Variants in CUX1 observed in about 807,000 individuals in gnomAD.
The protein encoded by CUX1 is protein CASP.
A neutral mutation model predicts 158.8 loss-of-function variants in CUX1; 31 were observed. That is an observed-to-expected ratio of 0.20 (90% CI 0.15 to 0.26). The LOEUF is 0.26. Ranked by LOEUF, CUX1 falls within the 10% of genes least tolerant of loss-of-function variation. The probability of loss-of-function intolerance (pLI) is 1.00; values close to 1 mark genes in which losing one functional copy is unlikely to be tolerated. For missense variants in CUX1, 1,589 were observed against 2,014.6 expected, an observed-to-expected ratio of 0.79 and a Z score of 4.04; for synonymous variants, 879 against 862.1, an observed-to-expected ratio of 1.02 and a Z score of -0.34.
At chr7:102,224,365 C>T (rs554703350) in intron 20 of CUX1, among the ~76,000 whole-genome samples, 1 of 152,278 alleles carries the variant, frequency 6.6e-6, no homozygotes, top group Non-Finnish European at 1.5e-5. Context: ...CGCCACCATG[C>T]CTGGCTGGTT....
At chr7:101,836,191 G>A (rs544309600) in intron 1 of CUX1, among the ~76,000 whole-genome samples, 3 of 152,254 alleles carry the variant, frequency 2.0e-5, no homozygotes, top group East Asian at 3.9e-4. Context: ...TGTAAGTCCC[G>A]TTTGTTCTCC....
chr7:102,097,325 C>G (rs782466159), intron 4 of CUX1, 39 bp from the exon 5 acceptor site: 2 of 1,580,730 alleles, frequency 1.3e-6, no homozygotes, highest in Non-Finnish European at 1.7e-6. Context: ...GGCCTGTTTG[C>G]TGGCCGAGTG....
At chr7:102,227,956 T>TC (rs1486326521) in intron 21 of CUX1, among the ~76,000 whole-genome samples, 22 of 144,828 alleles carry the variant, frequency 1.5e-4, no homozygotes, top group Admixed American at 1.0e-3. Flanking sequence ...TTTTTCTTTT[T>TC]TTTTTTTTTT....
At position 102,248,953 on chromosome 7, in the gene CUX1, C is replaced by T. The variant is rs1554538442; in HGVS notation, c.4429C>T (p.Arg1477Cys). ...GARDSRDNPLRKKKAANLNSI... is the reference protein window; with the variant it reads ...GARDSRDNPLCKKKAANLNSI... The stretch of plus-strand genomic sequence containing the variant: ...CCGGGACTCGCGCGACAACCCCCTG[C>T]GCAAGAAGAAGGCCGCGAACTTGAA... Residue 1477 changes from arginine (R) to cysteine (C), a missense_variant, in exon 24 of 24, where the codon CGC becomes TGC. By Grantham distance (180) the Arg-to-Cys change is radical (BLOSUM62 -3). Transcript: ENST00000292535. This position sits in a 1 kb window ranked among gnomAD's most constrained non-coding sequence, Gnocchi z 5.8. 3.4e-6 allele frequency: 5 copies of T among 1,487,298 alleles called. No homozygotes were observed. The highest frequency in any genetic ancestry group is 1.2e-5 in the South Asian group (1 of 80,744). 92.1% of individuals were successfully genotyped at this position (1,487,298 alleles called of 1,614,324 possible).
intron 11 of CUX1, 84 bp from the exon 12 acceptor site, chr7:102,189,729 G>A: frequency 1.4e-6 from 2 of 1,433,562 alleles, no homozygotes; most frequent in South Asian, 1.2e-5. Context: ...GGCACAGCTG[G>A]CTGTTCCGCA....
chr7:102,239,306 C>G lies in CUX1; in HGVS notation c.3623-14C>G, dbSNP rs200794898. 6.3e-7 allele frequency: 1 copy of G among 1,592,196 alleles called. No individual in the cohort carries two copies. The highest frequency in any genetic ancestry group is 2.3e-5 in the East Asian group (1 of 44,304). ...GCTGGGCCTGACCTTAGTCTGCCATCTCTTCCTCCGCAGCCTACATGAAGC... is the reference window on the plus strand; with the variant it reads ...GCTGGGCCTGACCTTAGTCTGCCATGTCTTCCTCCGCAGCCTACATGAAGC... On this transcript the variant is annotated splice_polypyrimidine_tract_variant and intron_variant, in intron 22 of 23. Transcript: ENST00000292535.
intron 14 of CUX1, among the ~76,000 whole-genome samples, chr7:102,270,657 C>G (rs1355821766): frequency 6.6e-6 from 1 of 152,226 alleles, no homozygotes; most frequent in Non-Finnish European, 1.5e-5. Context: ...GGATGGCCTC[C>G]CCCAACCACT....
At chr7:101,888,029 A>T (rs912114705) in intron 1 of CUX1, among the ~76,000 whole-genome samples, 2 of 152,150 alleles carry the variant, frequency 1.3e-5, no homozygotes, top group Non-Finnish European at 2.9e-5. Flanking sequence ...CTGAGGGTCA[A>T]TGAGTTCCAT....
chr7:102,194,106 A>G, intron 13 of CUX1: 1 of 594,920 alleles, frequency 1.7e-6, no homozygotes, highest in South Asian at 2.3e-5. Context: ...CCAGGCATAG[A>G]TCAAAAGCCA....
At chr7:101,834,155 CTGAT>C (rs1189039681) in intron 1 of CUX1, among the ~76,000 whole-genome samples, 1 of 139,242 alleles carries the variant, frequency 7.2e-6, no homozygotes, top group Non-Finnish European at 1.6e-5. Context: ...ATTTGAAAAG[CTGAT>C]TGTTTCTTTT....
chr7:102,219,017 C>G (rs1169319175), intron 20 of CUX1, among the ~76,000 whole-genome samples: 1 of 148,186 alleles, frequency 6.7e-6, no homozygotes, highest in East Asian at 2.1e-4. Context: ...TGCACCATTA[C>G]ACTCCAACCT....
chr7:101,955,730 G>C (rs187802347), intron 2 of CUX1, among the ~76,000 whole-genome samples: 9 of 152,300 alleles, frequency 5.9e-5, no homozygotes, highest in African/African-American at 2.2e-4. Context: ...CCACTAACGG[G>C]AAATCAGAAA....
chr7:101,930,894 C>T (rs1373913793), intron 2 of CUX1, among the ~76,000 whole-genome samples: 3 of 152,084 alleles, frequency 2.0e-5, no homozygotes, highest in East Asian at 1.9e-4. Context: ...GCTGGGAGTT[C>T]GAGACCAGCC....
At chr7:102,141,303 C>T (rs1260807158) in intron 8 of CUX1, among the ~76,000 whole-genome samples, 2 of 152,150 alleles carry the variant, frequency 1.3e-5, no homozygotes, top group African/African-American at 4.8e-5. Context: ...CTTCCCAGCC[C>T]TGCGGGGTAC....
At chr7:102,139,830 T>A (rs1049683328) in intron 8 of CUX1, among the ~76,000 whole-genome samples, 2 of 144,622 alleles carry the variant, frequency 1.4e-5, no homozygotes, top group Non-Finnish European at 3.1e-5. Context: ...TTTTTTTTTT[T>A]AATTTATTGT....
chr7:101,845,470 C>T (rs1196664251), intron 1 of CUX1, among the ~76,000 whole-genome samples: 1 of 152,106 alleles, frequency 6.6e-6, no homozygotes, highest in Non-Finnish European at 1.5e-5. Flanking sequence ...GAAATACTGT[C>T]TGTGTATAGC....
chr7:101,817,370 G>A, upstream of CUX1: 1 of 984,716 alleles, frequency 1.0e-6, no homozygotes, highest in Non-Finnish European at 1.2e-6. The surrounding 1 kb of genome is among the most constrained non-coding windows in gnomAD (Gnocchi z 4.1). Flanking sequence ...GCTCGGAGAT[G>A]CCTTCTCGGG....
At chr7:102,094,408 A>T (rs201443) in intron 4 of CUX1, among the ~76,000 whole-genome samples, 92,045 of 152,060 alleles carry the variant, frequency 0.61, 29,728 homozygotes, top group African/African-American at 0.79. Flanking sequence ...TGATTATGAG[A>T]TTGCCTGAAT....
Position 102,256,489 on chromosome 7 carries a change from G to A in CUX1, c.*7447G>A, listed in dbSNP as rs782697575. On this transcript the variant is annotated 3_prime_UTR_variant, in exon 24 of 24. Transcript: ENST00000292535. ...CCCTACTCCCCCAGAGAACCAAGGC[G>A]TCTGGGGGATTGACTGGGGGGCAGA... 6.0e-5 allele frequency: 59 copies of A among 985,386 alleles called. No homozygotes were observed. The highest frequency in any genetic ancestry group is 5.2e-4 in the Middle Eastern group (1 of 1,914). The allele number at this position is 985,386 out of a possible 1,614,324, so 61.0% of individuals were successfully genotyped here. A position where few individuals can be genotyped will look rare whatever the true frequency, so the allele number is the denominator to read the frequency against.
Sources: allele counts gnomAD v4.1 joint callset (sites outside exome capture counted in the v4.1 genomes callset), GRCh38; gene constraint gnomAD v4.1.1; non-coding constraint Gnocchi (gnomAD v3.1); transcripts MANE v1.5; gene names NCBI Gene and HGNC (gene_info 2026-07-23, HGNC 2026-07-21).